The following MPP4 variants were observed in gnomAD, a reference collection of about 807,000 sequenced individuals.
MPP4 encodes MAGUK p55 scaffold protein 4, also known as MAGUK p55 subfamily member 4.
MPP4 carries 91 observed loss-of-function variants against 98.3 expected under a neutral mutation model. The ratio of observed to expected loss-of-function variants is 0.93; its 90% CI spans 0.78 to 1.10. The LOEUF (loss-of-function observed/expected upper bound fraction) is 1.10. MPP4 is among the 50% of genes least tolerant of loss of function. The probability of loss-of-function intolerance (pLI) is 0.00; values close to 1 mark genes in which losing one functional copy is unlikely to be tolerated. For missense variants in MPP4, 744 were observed against 792.9 expected (o/e 0.94, Z 0.74); for synonymous variants, 261 against 271.8 (o/e 0.96, Z 0.39).
At chr2:201,677,966 GC>G (rs998053783) in intron 10 of MPP4, among the ~76,000 whole-genome samples, 2 of 152,142 alleles carry the variant, frequency 1.3e-5, no homozygotes, top group Non-Finnish European at 2.9e-5. Context: ...CCTCCAATGT[GC>G]CTCCTGGTTT....
chr2:201,677,570 G>T (rs1432683162), intron 10 of MPP4, among the ~76,000 whole-genome samples: 2 of 152,134 alleles, frequency 1.3e-5, no homozygotes, highest in African/African-American at 4.8e-5. Context: ...ATTCAAATCT[G>T]TCACTCTTAT....
chr2:201,653,295 C>T (rs1216602629), intron 18 of MPP4, among the ~76,000 whole-genome samples: 1 of 152,162 alleles, frequency 6.6e-6, no homozygotes, highest in Non-Finnish European at 1.5e-5. Flanking sequence ...TCTGTGTCCC[C>T]CAAAGTGCAG....
At chr2:201,647,918 C>T (rs1687610558) in intron 20 of MPP4, 93 bp from the exon 21 acceptor site, 5 of 1,246,926 alleles carry the variant, frequency 4.0e-6, no homozygotes. Flanking sequence ...TGCTGTGGTG[C>T]AATCACAGTT....
chr2:201,683,623 A>C (rs1002129357), intron 7 of MPP4, among the ~76,000 whole-genome samples: 1 of 151,996 alleles, frequency 6.6e-6, no homozygotes, highest in African/African-American at 2.4e-5. Flanking sequence ...GTGGAGGTAC[A>C]TGCCTGTAAT....
intron 1 of MPP4, among the ~76,000 whole-genome samples, chr2:201,695,111 T>G (rs1689141621): frequency 6.6e-6 from 1 of 152,150 alleles, no homozygotes; most frequent in African/African-American, 2.4e-5. Context: ...AATCCAGGGC[T>G]AATAGGGCAG....
At chr2:201,662,359 G>A (rs540263191) in intron 14 of MPP4, among the ~76,000 whole-genome samples, 1 of 150,400 alleles carries the variant, frequency 6.6e-6, no homozygotes, top group East Asian at 1.9e-4. Context: ...AAATTAGCTG[G>A]GTGTTGTGGT....
chr2:201,667,043 T>C (rs1320374230), intron 12 of MPP4, among the ~76,000 whole-genome samples: 1 of 152,174 alleles, frequency 6.6e-6, no homozygotes, highest in African/African-American at 2.4e-5. Context: ...GTACCTACCA[T>C]ATAGGCTAGG....
In MPP4 at chr2:201,685,813, A is replaced by T. The variant is rs1160795964; in HGVS notation, c.492+106T>A. On this transcript the variant is annotated intron_variant, in intron 6 of 21. Transcript: ENST00000409474. ...TTGACAGCCGTTATTATCACTGTAT[A>T]TGTGATCGCAGGCAAGGCTACTGCC... is the stretch of plus-strand genomic sequence containing the variant. The T allele has an allele frequency of 6.7e-6, 9 of 1,349,394 alleles. No homozygotes were observed. In the African/African-American group the frequency reaches 1.0e-4, roughly 15 times the overall value. The allele number at this position is 1,349,394 out of a possible 1,614,324, so 83.6% of individuals were successfully genotyped here.
At chr2:201,650,467 T>A (rs1687684260) in intron 18 of MPP4, 1 of 985,440 alleles carries the variant, frequency 1.0e-6, no homozygotes, top group Non-Finnish European at 1.2e-6. Flanking sequence ...GTGAATTATG[T>A]GTGAACCTTT....
At chr2:201,654,287 T>C (rs1687795267) in intron 18 of MPP4, among the ~76,000 whole-genome samples, 1 of 152,170 alleles carries the variant, frequency 6.6e-6, no homozygotes, top group Admixed American at 6.6e-5. Context: ...GAAAACACCA[T>C]TTTTTAAAAA....
At chr2:201,666,502 CCT>C in intron 12 of MPP4, 130 bp from the exon 13 acceptor site, 1 of 624,526 alleles carries the variant, frequency 1.6e-6, no homozygotes, top group Non-Finnish European at 2.6e-6. Flanking sequence ...GGGCGGATCA[CCT>C]GAGATCAAGA....
intron 10 of MPP4, among the ~76,000 whole-genome samples, chr2:201,676,146 T>G (rs4675216): frequency 0.21 from 31,992 of 152,200 alleles, 4,198 homozygotes; most frequent in African/African-American, 0.37. Context: ...CTCCCAGAGC[T>G]CCTGCCTCCA....
chr2:201,678,171 C>T (rs568060816), intron 10 of MPP4, among the ~76,000 whole-genome samples: 9 of 152,124 alleles, frequency 5.9e-5, no homozygotes, highest in Non-Finnish European at 1.3e-4. Flanking sequence ...TGTGTGCCCC[C>T]CCAAGAAACC....
intron 16 of MPP4, among the ~76,000 whole-genome samples, chr2:201,657,971 T>TTG (rs1687908197): frequency 6.6e-6 from 1 of 150,848 alleles, no homozygotes; most frequent in African/African-American, 2.4e-5. Context: ...TTTTTTTTGT[T>TTG]TTTTTTTTTT....
intron 7 of MPP4, among the ~76,000 whole-genome samples, chr2:201,683,595 A>G (rs1292791135): frequency 6.9e-6 from 1 of 143,974 alleles, no homozygotes. Context: ...CTAAAAATAC[A>G]AAAAAAATTA....
At chr2:201,682,613 G>A (rs879752403) in intron 8 of MPP4, among the ~76,000 whole-genome samples, 3 of 152,222 alleles carry the variant, frequency 2.0e-5, no homozygotes, top group African/African-American at 4.8e-5. Context: ...TGCTTGGGAC[G>A]GGAAGTTTCC....
chr2:201,650,361 C>A, intron 18 of MPP4, 196 bp from the exon 19 acceptor site: 4 of 985,414 alleles, frequency 4.1e-6, no homozygotes, highest in Non-Finnish European at 4.8e-6. Context: ...TAAACCTTTA[C>A]TGAGTGCTTA....
intron 11 of MPP4, among the ~76,000 whole-genome samples, chr2:201,673,823 C>A (rs1688417246): frequency 6.6e-6 from 1 of 152,196 alleles, no homozygotes; most frequent in African/African-American, 2.4e-5. Context: ...TTGCCCCGGG[C>A]AGATCTGTGA....
rs1428413206 is a variant in MPP4, at chr2:201,698,620, C to G, written c.-134G>C. The stretch of plus-strand genomic sequence containing the variant: ...CTGTAAACATGCATGTTGCTCCTAT[C>G]CAGACAAAAGCTTTAGTAGGATACT... On this transcript the variant is annotated 5_prime_UTR_variant, in exon 1 of 22. Transcript: ENST00000409474. The G allele has an allele frequency of 7.7e-7, 1 of 1,303,250 alleles. No homozygotes were observed. The highest frequency in any genetic ancestry group is 1.0e-6 in the Non-Finnish European group (1 of 988,664). The allele number at this position is 1,303,250 out of a possible 1,614,324, so 80.7% of individuals were successfully genotyped here.
Sources: allele counts gnomAD v4.1 joint callset (sites outside exome capture counted in the v4.1 genomes callset), GRCh38; gene constraint gnomAD v4.1.1; transcripts MANE v1.5; gene names NCBI Gene and HGNC (gene_info 2026-07-23, HGNC 2026-07-21).